The following ZFPM1 variants were observed in gnomAD, a reference collection of about 807,000 sequenced individuals.
ZFPM1 encodes the protein zinc finger protein ZFPM1.
In ZFPM1, 28 loss-of-function variants were observed where a neutral mutation model predicts 46.3. The observed-to-expected ratio is 0.60, with a 90% CI of 0.45 to 0.83. The LOEUF (loss-of-function observed/expected upper bound fraction) is 0.83, where lower values mean the gene tolerates loss of function less well. Ranked by LOEUF, ZFPM1 falls within the 40% of genes least tolerant of loss-of-function variation. The pLI, the probability that ZFPM1 is intolerant of heterozygous loss-of-function variation, is 0.00. For synonymous variants in ZFPM1, 957 were observed against 675.9 expected (o/e 1.42, Z -6.45); for missense variants, 1,878 against 1,432.4 (o/e 1.31, Z -5.02).
intron 6 of ZFPM1, among the ~76,000 whole-genome samples, chr16:88,529,685 G>A (rs753205345): frequency 8.5e-5 from 13 of 152,190 alleles, no homozygotes; most frequent in African/African-American, 1.2e-4. Flanking sequence ...CCTGGAGGGC[G>A]GCAGGTGGTC....
Position 88,535,054 on chromosome 16 carries a change from G to T in ZFPM1, c.*75G>T, listed in dbSNP as rs538607045. On this transcript the variant is annotated 3_prime_UTR_variant, in exon 10 of 10. Transcript: ENST00000319555. Reference sequence around the variant, plus strand: ...GGAGGGGGCCGCCCCCAGGCCGCACGGACTGCCGCTCCTGGGAACCCCGCC... The same window carrying T: ...GGAGGGGGCCGCCCCCAGGCCGCACTGACTGCCGCTCCTGGGAACCCCGCC... 33 of 1,340,666 alleles carry T rather than the reference G, an allele frequency of 2.5e-5. 1 individual carries two copies. In the South Asian group the frequency reaches 2.9e-4, roughly 12 times the overall value. The allele number at this position is 1,340,666 out of a possible 1,614,324, so 83.0% of individuals were successfully genotyped here.
At position 88,535,600 on chromosome 16, in the gene ZFPM1, C is replaced by G. The variant is rs937488814; in HGVS notation, c.*621C>G. 17 of 152,578 alleles carry G rather than the reference C, an allele frequency of 1.1e-4. No homozygotes were observed. Among genetic ancestry groups the G allele is most frequent in the Admixed American group, 1.0e-3 (16 of 15,308 alleles). 9.5% of individuals were successfully genotyped at this position (152,578 alleles called of 1,614,324 possible). A position where few individuals can be genotyped will look rare whatever the true frequency, so the allele number is the denominator to read the frequency against. The stretch of plus-strand genomic sequence containing the variant: ...GGGGAGGATGAAGCCCTGTGGTGGC[C>G]AAGGCTGGGGGAAGAACAGGCGAGT... On this transcript the variant is annotated 3_prime_UTR_variant, in exon 10 of 10. Transcript: ENST00000319555.
At position 88,523,206 on chromosome 16, in the gene ZFPM1, CA is replaced by C. The variant is rs71391390; in HGVS notation, c.403-3592del. 8.8e-3 allele frequency among the ~76,000 whole-genome samples: 975 copies of C among 110,800 alleles called. 2 individuals are homozygous for C. The highest frequency in any genetic ancestry group is 0.022 in the African/African-American group (621 of 28,738). 72.7% of individuals were successfully genotyped at this position (110,800 alleles called of 152,430 possible). On this transcript the variant is annotated intron_variant, in intron 4 of 9. Coordinates refer to ENST00000319555, the MANE Select transcript of ZFPM1 (RefSeq NM_153813.3). ...GGGGGACAAGAGTGAGACTTCATCT[CA>C]AAAAAAAAAAAAAAATAGGCCCCCT...
intron 3 of ZFPM1, among the ~76,000 whole-genome samples, chr16:88,492,958 T>C (rs1909662656): frequency 6.6e-6 from 1 of 151,844 alleles, no homozygotes; most frequent in Admixed American, 6.6e-5. Context: ...TGTCCCAGGG[T>C]GTGGGGAGCT....
At chr16:88,504,904 C>T (rs957578204) in intron 3 of ZFPM1, among the ~76,000 whole-genome samples, 2 of 152,080 alleles carry the variant, frequency 1.3e-5, no homozygotes, top group African/African-American at 4.8e-5. Context: ...GGCCACTGGG[C>T]CTGCAGGTGC....
intron 1 of ZFPM1, among the ~76,000 whole-genome samples, chr16:88,479,424 G>T (rs1908827355): frequency 1.3e-5 from 2 of 152,070 alleles, no homozygotes; most frequent in African/African-American, 4.8e-5. Context: ...CTCAACTCGG[G>T]TCAGCCTGGG....
chr16:88,501,291 C>A (rs12920574), intron 3 of ZFPM1, among the ~76,000 whole-genome samples: 921 of 68,982 alleles, frequency 0.013, 88 homozygotes, highest in Middle Eastern at 0.083. Flanking sequence ...TGCGGGGGCC[C>A]TCCCGCAGGT....
rs1567557498 is a variant in ZFPM1, at chr16:88,533,358, TGGA to T, written c.1405_1407del (p.Glu469del). 2 of 1,531,038 alleles carry T rather than the reference TGGA, an allele frequency of 1.3e-6. No individual in the cohort carries two copies. The highest frequency in any genetic ancestry group is 1.7e-6 in the Non-Finnish European group (2 of 1,144,116). The allele number at this position is 1,531,038 out of a possible 1,614,324, so 94.8% of individuals were successfully genotyped here. ...CCCAGGAGCATCAAGGTGGAGGCGG[TGGA>T]GGAGCCGGAGGCGGCCCCCATCCTG... On this transcript the variant is annotated inframe_deletion, in exon 10 of 10. Transcript: ENST00000319555.
At position 88,519,418 on chromosome 16, in the gene ZFPM1, T is replaced by C. The variant is rs138625099; in HGVS notation, c.402+4898T>C. Among the ~76,000 whole-genome samples the C allele has an allele frequency of 1.1e-4, 16 of 148,776 alleles. No homozygotes were observed. In the East Asian group the frequency reaches 2.0e-3, roughly 19 times the overall value. On this transcript the variant is annotated intron_variant, in intron 4 of 9. Coordinates refer to ENST00000319555, the MANE Select transcript of ZFPM1 (RefSeq NM_153813.3). Reference sequence around the variant, plus strand: ...ATAAGTGAGTGGGTGAATGGGTGGATAGATGGATGGATGGATGGATAGATG... The same window carrying C: ...ATAAGTGAGTGGGTGAATGGGTGGACAGATGGATGGATGGATGGATAGATG...
intron 1 of ZFPM1, among the ~76,000 whole-genome samples, chr16:88,476,241 C>T (rs548449296): frequency 6.6e-6 from 1 of 152,262 alleles, no homozygotes; most frequent in Non-Finnish European, 1.5e-5. Flanking sequence ...CTCTGCACAG[C>T]CTCCCTGCTG....
At chr16:88,455,636 C>T (rs1907517164) in intron 1 of ZFPM1, among the ~76,000 whole-genome samples, 1 of 152,002 alleles carries the variant, frequency 6.6e-6, no homozygotes, top group Non-Finnish European at 1.5e-5. Flanking sequence ...ACCCCCCACC[C>T]GCGCCCCCAT....
chr16:88,523,872 G>C (rs1015845906), intron 4 of ZFPM1, among the ~76,000 whole-genome samples: 1 of 152,210 alleles, frequency 6.6e-6, no homozygotes, highest in African/African-American at 2.4e-5. Flanking sequence ...AGCCAGGCCA[G>C]GCGCCCCGTC....
In ZFPM1 at chr16:88,479,767, C is replaced by T. The variant is rs142409137; in HGVS notation, c.41-6172C>T. ...CAGCCCTGGGGGTCTTTCTCTTCTG[C>T]CTCCCCAGCCCCACCCCTCTCCCAT... On this transcript the variant is annotated intron_variant, in intron 1 of 9. Coordinates refer to ENST00000319555, the MANE Select transcript of ZFPM1 (RefSeq NM_153813.3). Among the ~76,000 whole-genome samples, 530 of 142,910 alleles carry T rather than the reference C, an allele frequency of 3.7e-3. 5 individuals are homozygous for T. The highest frequency in any genetic ancestry group is 0.012 in the South Asian group (46 of 3,922). The allele number at this position is 142,910 out of a possible 152,430, so 93.8% of individuals were successfully genotyped here. A position where few individuals can be genotyped will look rare whatever the true frequency, so the allele number is the denominator to read the frequency against.
intron 4 of ZFPM1, among the ~76,000 whole-genome samples, chr16:88,521,034 G>T (rs1213622035): frequency 7.3e-6 from 1 of 136,496 alleles, no homozygotes; most frequent in Non-Finnish European, 1.6e-5. Context: ...GTGGGTAGAT[G>T]ATGGACAGGT....
chr16:88,474,246 A>C (rs1472934871), intron 1 of ZFPM1, among the ~76,000 whole-genome samples: 1 of 151,882 alleles, frequency 6.6e-6, no homozygotes, highest in Non-Finnish European at 1.5e-5. Context: ...GCCCCTGGGG[A>C]CACGGGTGGG....
At chr16:88,524,180 C>T (rs1312796141) in intron 4 of ZFPM1, among the ~76,000 whole-genome samples, 1 of 152,208 alleles carries the variant, frequency 6.6e-6, no homozygotes, top group Non-Finnish European at 1.5e-5. Context: ...CCCTCCTCTG[C>T]TCATTAATAT....
chr16:88,533,871 C>T lies in ZFPM1; in HGVS notation c.1913C>T (p.Ser638Phe). Residue 638 changes from serine to phenylalanine, a missense_variant, in exon 10 of 10, where the codon TCC becomes TTC. Ser to Phe is a radical substitution (Grantham distance 155). Coordinates refer to ENST00000319555, the MANE Select transcript of ZFPM1 (RefSeq NM_153813.3). ...QPAEPDAPRS[S>F]PGPGAREEGA... ...GCCGAACCCGACGCGCCGCGCTCGT[C>T]CCCGGGCCCCGGAGCGCGCGAGGAG... 1.0e-6 allele frequency: 1 copy of T among 991,490 alleles called. No homozygotes were observed. The highest frequency in any genetic ancestry group is 1.2e-6 in the Non-Finnish European group (1 of 835,786). 61.4% of individuals were successfully genotyped at this position (991,490 alleles called of 1,614,324 possible).
intron 1 of ZFPM1, among the ~76,000 whole-genome samples, chr16:88,473,917 C>T (rs1242261013): frequency 6.6e-6 from 1 of 152,182 alleles, no homozygotes; most frequent in Non-Finnish European, 1.5e-5. Context: ...GGCTCTTCCG[C>T]AAGGGGTTTA....
chr16:88,452,830 G>A (rs1348195589), upstream of ZFPM1, among the ~76,000 whole-genome samples: 1 of 152,246 alleles, frequency 6.6e-6, no homozygotes, highest in Non-Finnish European at 1.5e-5. Context: ...GAGGCGGGGC[G>A]CAGGATGCGG....
Sources: gnomAD v4.1 joint callset for allele counts (sites outside exome capture counted in the v4.1 genomes callset) on GRCh38, gnomAD v4.1.1 for gene constraint, MANE v1.5 for transcripts, NCBI Gene and HGNC (gene_info 2026-07-23, HGNC 2026-07-21) for gene names.